The following EPC1 variants were observed in gnomAD, a reference collection of about 807,000 sequenced individuals.
The protein encoded by EPC1 is enhancer of polycomb homolog 1.
Under a neutral mutation model 98.4 loss-of-function variants are expected in EPC1, and 12 were observed. The observed-to-expected ratio is 0.12, with a 90% CI of 0.08 to 0.20. The LOEUF (loss-of-function observed/expected upper bound fraction) is 0.20. EPC1 is among the 10% of genes least tolerant of loss of function. The pLI is 1.00. For missense variants in EPC1, 729 were observed against 990.5 expected (o/e 0.74, Z 3.54); for synonymous variants, 357 against 363.9 (o/e 0.98, Z 0.21).
At chr10:32,301,694 A>C (rs2490522) in intron 2 of EPC1, among the ~76,000 whole-genome samples, 105,834 of 152,056 alleles carry the variant, frequency 0.7, 36,918 homozygotes, top group Middle Eastern at 0.78. Flanking sequence ...AAGCTTTTTA[A>C]ACAAATGATG....
At chr10:32,300,494 C>T (rs1251992792) in intron 2 of EPC1, among the ~76,000 whole-genome samples, 9 of 149,436 alleles carry the variant, frequency 6.0e-5, no homozygotes, top group Non-Finnish European at 1.2e-4. Flanking sequence ...AGTGTAGTGG[C>T]GCGATCTCGG....
intron 2 of EPC1, among the ~76,000 whole-genome samples, chr10:32,299,795 T>C (rs1835384992): frequency 6.6e-6 from 1 of 152,336 alleles, no homozygotes; most frequent in Admixed American, 6.5e-5. Flanking sequence ...AATTAATGAG[T>C]AGTTTGTGGA....
intron 1 of EPC1, among the ~76,000 whole-genome samples, chr10:32,367,870 G>A (rs1332313657): frequency 6.6e-6 from 1 of 152,150 alleles, no homozygotes; most frequent in African/African-American, 2.4e-5. Flanking sequence ...GTCATTTTCT[G>A]TTCATTTTTG....
chr10:32,340,478 A>G (rs1053332372), intron 1 of EPC1, among the ~76,000 whole-genome samples: 1 of 152,202 alleles, frequency 6.6e-6, no homozygotes. Flanking sequence ...CCTAATCAAG[A>G]AAGATTTTCT....
chr10:32,346,514 C>T (rs1388434486), intron 1 of EPC1: 11 of 496,168 alleles, frequency 2.2e-5, no homozygotes, highest in Non-Finnish European at 3.3e-5. Flanking sequence ...GCCTTTCGGG[C>T]CCCCGAACTC....
intron 11 of EPC1, chr10:32,272,891 A>G: frequency 2.7e-6 from 2 of 745,544 alleles, no homozygotes. Flanking sequence ...GGGGTTATAT[A>G]TTCAAGAGGT....
intron 10 of EPC1, chr10:32,281,605 C>A (rs1836414058): frequency 6.6e-6 from 1 of 152,226 alleles, no homozygotes; most frequent in South Asian, 2.1e-4. Flanking sequence ...CAGGCTCACT[C>A]TGGAGAATAT....
chr10:32,290,483 C>CAAAAAAAAAAAAAAAAA (rs57193296), intron 6 of EPC1, among the ~76,000 whole-genome samples: 21 of 40,148 alleles, frequency 5.2e-4, no homozygotes, highest in African/African-American at 2.3e-3. Flanking sequence ...AAGACTCTGT[C>CAAAAAAAAAAAAAAAAA]AAAAAAAAAA....
At chr10:32,312,789 AT>A (rs1836321735) in intron 1 of EPC1, among the ~76,000 whole-genome samples, 1 of 152,202 alleles carries the variant, frequency 6.6e-6, no homozygotes, top group Non-Finnish European at 1.5e-5. Context: ...TATATACACT[AT>A]TTTCATAAAA....
intron 2 of EPC1, among the ~76,000 whole-genome samples, chr10:32,300,458 G>C (rs367626249): frequency 6.9e-6 from 1 of 145,874 alleles, no homozygotes; most frequent in South Asian, 2.1e-4. Flanking sequence ...TCCTGAGACA[G>C]AGTCTTGCTC....
chr10:32,297,199 G>T (rs7909455), intron 2 of EPC1, among the ~76,000 whole-genome samples: 7,609 of 151,854 alleles, frequency 0.05, 605 homozygotes, highest in African/African-American at 0.17. Context: ...GTAAAAAAAA[G>T]GGTCTAAAGA....
intron 1 of EPC1, among the ~76,000 whole-genome samples, chr10:32,341,757 T>C (rs1436957226): frequency 6.6e-6 from 1 of 152,254 alleles, no homozygotes. Context: ...CTGTCCTTTT[T>C]CAATTATCCT....
intron 1 of EPC1, among the ~76,000 whole-genome samples, chr10:32,323,578 G>A (rs544603507): frequency 6.6e-6 from 1 of 152,280 alleles, no homozygotes; most frequent in Non-Finnish European, 1.5e-5. Flanking sequence ...CTATTCAACA[G>A]CACACAATGA....
At chr10:32,297,312 G>C (rs997588872) in intron 2 of EPC1, among the ~76,000 whole-genome samples, 4 of 137,636 alleles carry the variant, frequency 2.9e-5, no homozygotes, top group Non-Finnish European at 6.1e-5. Context: ...ATGGAGTTTC[G>C]CTCTTGTTGC....
chr10:32,374,707 A>T (rs548995914), intron 1 of EPC1, among the ~76,000 whole-genome samples: 1 of 152,248 alleles, frequency 6.6e-6, no homozygotes, highest in East Asian at 1.9e-4. Flanking sequence ...TCATTTGGGA[A>T]TCTCACACAT....
intron 1 of EPC1, among the ~76,000 whole-genome samples, chr10:32,352,269 G>A (rs946112108): frequency 6.7e-6 from 1 of 150,184 alleles, no homozygotes; most frequent in African/African-American, 2.5e-5. Flanking sequence ...GGATGGTCTC[G>A]ATCTCCTGAC....
Position 32,346,983 on chromosome 10 carries a change from G to C in EPC1, c.-68C>G. 6.3e-7 allele frequency: 1 copy of C among 1,585,548 alleles called. No individual in the cohort carries two copies. ...CGGCCAGCGGGATCATGGAGAACCGGGGGTTCGGTCCCCACTCGCCAACCG... is the reference window on the plus strand; with the variant it reads ...CGGCCAGCGGGATCATGGAGAACCGCGGGTTCGGTCCCCACTCGCCAACCG... On this transcript the variant is annotated 5_prime_UTR_variant, in exon 1 of 14. Transcript: ENST00000319778.
chr10:32,290,505 A>AAAG lies in EPC1; in HGVS notation c.975+657_975+658insCTT, dbSNP rs1554819135. ...TGTCAAAAAAAAAAAAAAAAAAAAA[A>AAAG]AAAGAAAGAAAGAAAAACTCATCTG... On this transcript the variant is annotated intron_variant, in intron 6 of 13. Transcript: ENST00000319778. Among the ~76,000 whole-genome samples, 250 of 77,480 alleles carry AAAG rather than the reference A, an allele frequency of 3.2e-3. 2 individuals carry two copies. The highest frequency in any genetic ancestry group is 0.014 in the African/African-American group (244 of 18,050). 50.8% of individuals were successfully genotyped at this position (77,480 alleles called of 152,430 possible). A position where few individuals can be genotyped will look rare whatever the true frequency, so the allele number is the denominator to read the frequency against.
chr10:32,366,558 C>T (rs1036467531), intron 1 of EPC1, among the ~76,000 whole-genome samples: 13 of 152,148 alleles, frequency 8.5e-5, no homozygotes, highest in African/African-American at 2.9e-4. Context: ...TTCAGATTTT[C>T]CTTATTAAAA....
Sources: gnomAD v4.1 joint callset for allele counts (sites outside exome capture counted in the v4.1 genomes callset) on GRCh38, gnomAD v4.1.1 for gene constraint, MANE v1.5 for transcripts, NCBI Gene and HGNC (gene_info 2026-07-23, HGNC 2026-07-21) for gene names.